TRPM4: variants seen among roughly 807,000 people sequenced by gnomAD.
TRPM4 encodes transient receptor potential cation channel subfamily M member 4.
In TRPM4, 124 loss-of-function variants were observed where a neutral mutation model predicts 135.6. The observed-to-expected ratio is 0.91, with a 90% CI of 0.79 to 1.06. The LOEUF (loss-of-function observed/expected upper bound fraction) is 1.06, where lower values mean the gene tolerates loss of function less well. Ranked by LOEUF, TRPM4 falls within the 50% of genes least tolerant of loss-of-function variation. TRPM4 has a pLI of 0.00. For missense variants in TRPM4, 1,658 were observed against 1,671.4 expected (o/e 0.99, Z 0.14); for synonymous variants, 745 against 705.6 (o/e 1.06, Z -0.88).
chr19:49,168,039 C>T lies in TRPM4; in HGVS notation c.390C>T (p.Leu130=). The T allele has an allele frequency of 6.2e-7, 1 of 1,612,688 alleles. No individual in the cohort carries two copies. Among genetic ancestry groups the T allele is most frequent in the Non-Finnish European group, 8.5e-7 (1 of 1,179,796 alleles). Residue 130 remains leucine, a synonymous_variant, in exon 4 of 25, where the codon CTC becomes CTT. Transcript: ENST00000252826. ...SVLGGSGGPV[L]QTWLQDLLRR... ...TGGGGGGATCGGGGGGCCCCGTCCTCCAGACCTGGCTGCAGGACCTGCTGC... is the reference window on the plus strand; with the variant it reads ...TGGGGGGATCGGGGGGCCCCGTCCTTCAGACCTGGCTGCAGGACCTGCTGC...
At chr19:49,207,097 T>G (rs1006386562) in intron 20 of TRPM4, among the ~76,000 whole-genome samples, 2 of 152,192 alleles carry the variant, frequency 1.3e-5, no homozygotes, top group Non-Finnish European at 2.9e-5. Flanking sequence ...TGAATAGAGA[T>G]ATTTTTACTT....
intron 3 of TRPM4, among the ~76,000 whole-genome samples, 156 bp downstream of exon 3, chr19:49,166,371 AG>A (rs1967179867): frequency 6.6e-6 from 1 of 151,772 alleles, no homozygotes; most frequent in Non-Finnish European, 1.5e-5. Flanking sequence ...CTTCTCTCTG[AG>A]GGGGTCCCGT....
At chr19:49,205,277 C>T (rs958579059) in intron 20 of TRPM4, among the ~76,000 whole-genome samples, 27 of 152,190 alleles carry the variant, frequency 1.8e-4, no homozygotes, top group African/African-American at 6.5e-4. Context: ...CTGTTCCATG[C>T]CCCTCCTGTC....
intron 2 of TRPM4, among the ~76,000 whole-genome samples, chr19:49,163,400 T>A (rs1967045475): frequency 6.6e-6 from 1 of 151,484 alleles, no homozygotes; most frequent in Non-Finnish European, 1.5e-5. Flanking sequence ...TTCACTATGT[T>A]GGCCAGGCTG....
In TRPM4 at chr19:49,190,717, A is replaced by G. The variant is rs370827464; in HGVS notation, c.2154A>G (p.Thr718=). 2 of 1,614,078 alleles carry G rather than the reference A, an allele frequency of 1.2e-6. No homozygotes were observed. The highest frequency in any genetic ancestry group is 1.3e-5 in the African/African-American group (1 of 75,010). Residue 718 remains threonine (T), a synonymous_variant, in exon 16 of 25, where the codon ACA becomes ACG. Coordinates refer to ENST00000252826, the MANE Select transcript of TRPM4 (RefSeq NM_017636.4). ...ITFRKSEEEP[T]REELEFDMDS... ...CTAGGAAATCAGAAGAGGAGCCCAC[A>G]CGGGAGGAGCTAGAGTTTGACATGG...
rs1352146871 is a variant in TRPM4, at chr19:49,211,740, A to G, written c.*242A>G. 6 of 604,492 alleles carry G rather than the reference A, an allele frequency of 9.9e-6. No homozygotes were observed. The highest frequency in any genetic ancestry group is 1.8e-5 in the Non-Finnish European group (6 of 340,516). 37.4% of individuals were successfully genotyped at this position (604,492 alleles called of 1,614,324 possible). A position where few individuals can be genotyped will look rare whatever the true frequency, so the allele number is the denominator to read the frequency against. Reference sequence around the variant, plus strand: ...AGGCCTGGATCCCGGGCCGTTATCCATCTGGAGGCTGCAGGGTCCTTGGGG... The same window carrying G: ...AGGCCTGGATCCCGGGCCGTTATCCGTCTGGAGGCTGCAGGGTCCTTGGGG... On this transcript the variant is annotated 3_prime_UTR_variant, in exon 25 of 25. Coordinates refer to ENST00000252826, the MANE Select transcript of TRPM4 (RefSeq NM_017636.4). This position sits in a 1 kb window ranked among gnomAD's most constrained non-coding sequence, Gnocchi z 4.8.
rs752695139 is a variant in TRPM4 at position 49,166,107 on chromosome 19, C to T, written c.159C>T (p.Phe53=). 12 of 1,602,984 alleles carry T rather than the reference C, an allele frequency of 7.5e-6. No homozygotes were observed. Among genetic ancestry groups the T allele is most frequent in the African/African-American group, 2.7e-5 (2 of 74,818 alleles). The change falls in exon 3 of 25, where the codon TTC becomes TTT. Residue 53 remains phenylalanine (F), a synonymous_variant. Transcript: ENST00000252826. Reference sequence around the variant, plus strand: ...CCGCAGTGGCCATGGAGGATGCCTTCGGGGCAGCCGTGGTGACCGTGTGGG... The same window carrying T: ...CCGCAGTGGCCATGGAGGATGCCTTTGGGGCAGCCGTGGTGACCGTGTGGG... The part of the protein sequence containing the change: ...AHPAVAMEDA[F]GAAVVTVWDS...
intron 9 of TRPM4, 42 bp from the exon 10 acceptor site, chr19:49,181,307 C>A: frequency 6.9e-7 from 1 of 1,444,054 alleles, no homozygotes; most frequent in Non-Finnish European, 9.8e-7. Flanking sequence ...AGATGTCCCT[C>A]CTCCCCTGAC....
At chr19:49,195,123 C>A (rs1716266) in intron 16 of TRPM4, among the ~76,000 whole-genome samples, 5,771 of 151,944 alleles carry the variant, frequency 0.038, 357 homozygotes, top group African/African-American at 0.13. Flanking sequence ...CATATCATAC[C>A]GTTCACTTAC....
At chr19:49,168,162 GTGGGT>G (rs1967301429) in intron 4 of TRPM4, 65 bp downstream of exon 4, 1 of 1,592,234 alleles carries the variant, frequency 6.3e-7, no homozygotes, top group African/African-American at 1.3e-5. Flanking sequence ...CCCCACGACT[GTGGGT>G]GGCCTCCCCC....
Position 49,168,246 on chromosome 19 carries a change from C to T in TRPM4, c.449-14C>T, listed in dbSNP as rs112328642. On this transcript the variant is annotated splice_polypyrimidine_tract_variant and intron_variant, in intron 4 of 24. Coordinates refer to ENST00000252826, the MANE Select transcript of TRPM4 (RefSeq NM_017636.4). ...TCTCCCCCTGCCTCTGCATGTTCCT[C>T]GGCGTCTGTGTAGGAGCCTGGATTG... is the stretch of plus-strand genomic sequence containing the variant. The T allele has an allele frequency of 2.5e-3, 3,995 of 1,614,032 alleles. 90 individuals are homozygous for T. The South Asian group carries it at 0.031, about 13-fold the overall frequency.
chr19:49,174,216 G>C (rs190725538), intron 9 of TRPM4, among the ~76,000 whole-genome samples: 1 of 152,046 alleles, frequency 6.6e-6, no homozygotes, highest in Non-Finnish European at 1.5e-5. Flanking sequence ...GCAGTGGTGC[G>C]AGCTTGGCTC....
intron 16 of TRPM4, among the ~76,000 whole-genome samples, chr19:49,194,639 TTC>T (rs1008868486): frequency 6.1e-4 from 86 of 140,358 alleles, no homozygotes; most frequent in Admixed American, 1.1e-3. Context: ...TTCCCTTTCT[TTC>T]TCTCTCTCTT....
At position 49,182,125 on chromosome 19, in the gene TRPM4, C is replaced by CCTCCATCCATCT. The variant is rs1555755476; in HGVS notation, c.1264-453_1264-452insCTCCATCCATCT. Reference sequence around the variant, plus strand: ...CCATCCATCCATCCATCCATCCATCCATCTGTCCATTCATCCATCCATCCA... The same window carrying CCTCCATCCATCT: ...CCATCCATCCATCCATCCATCCATCCCTCCATCCATCTATCTGTCCATTCATCCATCCATCCA... On this transcript the variant is annotated intron_variant, in intron 10 of 24. Transcript: ENST00000252826. Among the ~76,000 whole-genome samples the CCTCCATCCATCT allele has an allele frequency of 3.0e-3, 408 of 135,970 alleles. 6 individuals are homozygous for CCTCCATCCATCT. The highest frequency in any genetic ancestry group is 0.01 in the African/African-American group (370 of 35,268). The allele number at this position is 135,970 out of a possible 152,430, so 89.2% of individuals were successfully genotyped here.
chr19:49,178,080 C>T (rs1220583942), intron 9 of TRPM4, among the ~76,000 whole-genome samples: 10 of 152,174 alleles, frequency 6.6e-5, no homozygotes, highest in African/African-American at 2.4e-5. Flanking sequence ...CCTATTATCA[C>T]AGCACCTTGG....
Position 49,199,237 on chromosome 19 carries a change from C to T in TRPM4, c.2646-1063C>T, listed in dbSNP as rs570509931. On this transcript the variant is annotated intron_variant, in intron 17 of 24. Coordinates refer to ENST00000252826, the MANE Select transcript of TRPM4 (RefSeq NM_017636.4). ...TTAATGGCCATATGTCCTTGTGCCC[C>T]CTTGTTTTTTTTTTGGTTTTTGTTT... Among the ~76,000 whole-genome samples, 13 of 147,982 alleles carry T rather than the reference C, an allele frequency of 8.8e-5. No homozygotes were observed. The South Asian group carries it at 2.2e-3, about 25-fold the overall frequency.
intron 9 of TRPM4, among the ~76,000 whole-genome samples, chr19:49,178,453 G>T (rs1967785386): frequency 6.6e-6 from 1 of 152,154 alleles, no homozygotes; most frequent in Admixed American, 6.6e-5. Flanking sequence ...AGTCGGGGAG[G>T]CTCAGCAGAG....
rs201198341 is a variant in TRPM4 at position 49,168,636 on chromosome 19, C to T, written c.696C>T (p.Phe232=). ...CCCTGGACTACAACTACTCGGCCTT[C>T]TTCCTGGTGGACGACGGCACACACG... The part of the protein sequence containing the change: ...QFPLDYNYSA[F]FLVDDGTHGC... The change falls in exon 6 of 25, where the codon TTC becomes TTT. Residue 232 remains phenylalanine (F), a synonymous_variant. Transcript: ENST00000252826. 6.2e-7 allele frequency: 1 copy of T among 1,613,678 alleles called. No homozygotes were observed. Among genetic ancestry groups the T allele is most frequent in the Non-Finnish European group, 8.5e-7 (1 of 1,179,984 alleles).
Position 49,175,471 on chromosome 19 carries a change from C to T in TRPM4, c.1150+3363C>T, listed in dbSNP as rs559903247. Among the ~76,000 whole-genome samples, 29 of 150,838 alleles carry T rather than the reference C, an allele frequency of 1.9e-4. No homozygotes were observed. The East Asian group carries it at 4.5e-3, about 24-fold the overall frequency. On this transcript the variant is annotated intron_variant, in intron 9 of 24. Coordinates refer to ENST00000252826, the MANE Select transcript of TRPM4 (RefSeq NM_017636.4). Reference sequence around the variant, plus strand: ...CTATCTGCCCATCTCGGCCTCCCAACGTGCTGGGATTACAGGCGTGAGCCA... The same window carrying T: ...CTATCTGCCCATCTCGGCCTCCCAATGTGCTGGGATTACAGGCGTGAGCCA...
Sources: gnomAD v4.1 joint callset for allele counts (sites outside exome capture counted in the v4.1 genomes callset) on GRCh38, gnomAD v4.1.1 for gene constraint, Gnocchi (gnomAD v3.1) non-coding constraint, MANE v1.5 for transcripts, NCBI Gene and HGNC (gene_info 2026-07-23, HGNC 2026-07-21) for gene names.